HK1: variants seen among roughly 807,000 people sequenced by gnomAD.
The protein encoded by HK1 is hexokinase 1.
HK1 carries 28 observed loss-of-function variants against 91.6 expected under a neutral mutation model. The observed-to-expected ratio is 0.31, with a 90% confidence interval of 0.23 to 0.42. The LOEUF is 0.42. Ranked by LOEUF, HK1 falls within the 10% of genes least tolerant of loss-of-function variation. The pLI is 1.00. For missense variants in HK1, 770 were observed against 1,219.8 expected (o/e 0.63, Z 5.49); for synonymous variants, 430 against 468.1 (o/e 0.92, Z 1.05).
intron 4 of HK1, among the ~76,000 whole-genome samples, chr10:69,365,512 C>CT (rs752363924): frequency 2.0e-5 from 3 of 152,276 alleles, no homozygotes; most frequent in East Asian, 1.9e-4. Flanking sequence ...CAGCCTTGTT[C>CT]TTTTTTTACA....
At chr10:69,362,353 A>G (rs1849469890) in intron 3 of HK1, among the ~76,000 whole-genome samples, 1 of 151,962 alleles carries the variant, frequency 6.6e-6, no homozygotes, top group African/African-American at 2.4e-5. Context: ...GCTGGATTAT[A>G]GATGTGAGCC....
intron 15 of HK1, among the ~76,000 whole-genome samples, chr10:69,392,654 G>T (rs1839954047): frequency 6.6e-6 from 1 of 152,190 alleles, no homozygotes; most frequent in African/African-American, 2.4e-5. Context: ...GCAGGTTGGT[G>T]TGAAGCAGAG....
chr10:69,327,339 G>T (rs996730373), intron 1 of HK1, among the ~76,000 whole-genome samples: 1 of 151,974 alleles, frequency 6.6e-6, no homozygotes, highest in African/African-American at 2.4e-5. Flanking sequence ...GTATCCTTCC[G>T]CCATTTACTT....
intron 5 of HK1, among the ~76,000 whole-genome samples, chr10:69,307,762 C>T (rs910407257): frequency 1.3e-5 from 2 of 152,136 alleles, no homozygotes; most frequent in African/African-American, 4.8e-5. Context: ...TACCTAAGTG[C>T]TAGCTATTAA....
At chr10:69,280,797 G>A (rs1844709308) in intron 1 of HK1, among the ~76,000 whole-genome samples, 1 of 152,208 alleles carries the variant, frequency 6.6e-6, no homozygotes, top group Admixed American at 6.5e-5. Flanking sequence ...CTAGCCAATG[G>A]TAATTTGTTG....
At chr10:69,375,768 G>A (rs893921897) in intron 7 of HK1, among the ~76,000 whole-genome samples, 5 of 152,154 alleles carry the variant, frequency 3.3e-5, no homozygotes, top group South Asian at 2.1e-4. Flanking sequence ...CTGGCCCCTC[G>A]TCAGCCAGGA....
chr10:69,344,803 G>C (rs1173445618), intron 2 of HK1, among the ~76,000 whole-genome samples: 1 of 151,704 alleles, frequency 6.6e-6, no homozygotes, highest in Non-Finnish European at 1.5e-5. Flanking sequence ...TGCTGTGCTT[G>C]CTCCAGCGTG....
intron 13 of HK1, among the ~76,000 whole-genome samples, chr10:69,387,701 C>T (rs1264180648): frequency 9.2e-5 from 14 of 152,054 alleles, no homozygotes; most frequent in East Asian, 3.9e-4. Flanking sequence ...AAGATGCCCC[C>T]GGGGTGTGTT....
intron 3 of HK1, among the ~76,000 whole-genome samples, chr10:69,289,277 C>A (rs1400025736): frequency 6.6e-6 from 1 of 152,006 alleles, no homozygotes; most frequent in African/African-American, 2.4e-5. Context: ...TGTGTTCTGA[C>A]CAAGGGAAGC....
intron 14 of HK1, among the ~76,000 whole-genome samples, chr10:69,389,687 G>C (rs533699854): frequency 3.5e-4 from 54 of 152,130 alleles, no homozygotes; most frequent in African/African-American, 1.1e-3. Flanking sequence ...GGGGTGGGGA[G>C]GGAGTCTGCG....
At chr10:69,366,101 G>T (rs1466521229) in intron 4 of HK1, among the ~76,000 whole-genome samples, 1 of 152,102 alleles carries the variant, frequency 6.6e-6, no homozygotes, top group Non-Finnish European at 1.5e-5. Flanking sequence ...AAAGTGCTGG[G>T]ATTACAGACG....
At chr10:69,301,356 C>T (rs1845855220) in intron 5 of HK1, among the ~76,000 whole-genome samples, 1 of 150,240 alleles carries the variant, frequency 6.7e-6, no homozygotes, top group African/African-American at 2.4e-5. Flanking sequence ...AGTGGGTCAC[C>T]TGAGGTCAGA....
Position 69,300,774 on chromosome 10 carries a change from T to C in HK1, c.-61T>C, listed in dbSNP as rs142614253. On this transcript the variant is annotated 5_prime_UTR_variant, in exon 5 of 22. Coordinates refer to the HK1 transcript ENST00000360289. ...GTGTTTGTCTCTCTTTTCAGCATTG[T>C]TGATGCTCTTGAGAGCATCAGCCAG... 6.0e-4 allele frequency: 958 copies of C among 1,585,692 alleles called. 24 individuals carry two copies. The African/African-American group carries it at 0.011, about 18-fold the overall frequency.
At chr10:69,282,101 A>G (rs1044510996) in intron 1 of HK1, among the ~76,000 whole-genome samples, 1 of 152,164 alleles carries the variant, frequency 6.6e-6, no homozygotes, top group Admixed American at 6.6e-5. Context: ...TTGCATTTCC[A>G]TGAGTGCCTG....
At chr10:69,313,211 T>C (rs1449387135), upstream of HK1, among the ~76,000 whole-genome samples, 1 of 152,214 alleles carries the variant, frequency 6.6e-6, no homozygotes, top group Admixed American at 6.5e-5. Flanking sequence ...TATTAGGAGC[T>C]GAAAATGTCA....
At chr10:69,358,754 T>G (rs1194492726) in intron 2 of HK1, among the ~76,000 whole-genome samples, 1 of 151,470 alleles carries the variant, frequency 6.6e-6, no homozygotes, top group Non-Finnish European at 1.5e-5. Context: ...TCCCAGCTAC[T>G]CGGGAAGCTG....
intron 1 of HK1, among the ~76,000 whole-genome samples, chr10:69,322,301 C>G (rs1266454041): frequency 6.6e-6 from 1 of 152,114 alleles, no homozygotes; most frequent in African/African-American, 2.4e-5. Flanking sequence ...TCATTTCTTT[C>G]CTCATTGCCT....
chr10:69,285,144 A>G (rs896741118), intron 2 of HK1, among the ~76,000 whole-genome samples: 10 of 146,726 alleles, frequency 6.8e-5, no homozygotes, highest in Admixed American at 2.0e-4. Flanking sequence ...TTAAAAAAAC[A>G]AACAAACAGG....
intron 1 of HK1, among the ~76,000 whole-genome samples, chr10:69,274,583 C>T (rs549496753): frequency 4.2e-5 from 6 of 144,074 alleles, no homozygotes; most frequent in African/African-American, 1.6e-4. Flanking sequence ...GAGCAAAACT[C>T]TGTCTCAAAA....
Sources: gnomAD v4.1 joint callset for allele counts (sites outside exome capture counted in the v4.1 genomes callset) on GRCh38, gnomAD v4.1.1 for gene constraint, MANE v1.5 for transcripts, NCBI Gene and HGNC (gene_info 2026-07-23, HGNC 2026-07-21) for gene names.